ACSM1: variants seen among roughly 807,000 people sequenced by gnomAD.
ACSM1 encodes the protein acyl-coenzyme A synthetase ACSM1, mitochondrial.
In ACSM1, 79 loss-of-function variants were observed where a neutral mutation model predicts 75.8. That is an observed-to-expected ratio of 1.04 (90% CI 0.87 to 1.26). The LOEUF (loss-of-function observed/expected upper bound fraction) is 1.26. ACSM1 is among the 50% of genes most tolerant of loss of function. ACSM1 has a pLI of 0.00. For missense variants in ACSM1, 676 were observed against 720.1 expected (o/e 0.94, Z 0.70); for synonymous variants, 279 against 265.8 (o/e 1.05, Z -0.48).
At chr16:20,695,792 T>C (rs1429216343) in intron 1 of ACSM1, among the ~76,000 whole-genome samples, 1 of 152,202 alleles carries the variant, frequency 6.6e-6, no homozygotes, top group Non-Finnish European at 1.5e-5. Flanking sequence ...TATCTCTGTA[T>C]GTATGTTAAG....
intron 8 of ACSM1, among the ~76,000 whole-genome samples, chr16:20,638,669 A>G (rs1042491152): frequency 1.6e-4 from 24 of 152,198 alleles, no homozygotes; most frequent in African/African-American, 3.6e-4. Flanking sequence ...GAGGTGAGAA[A>G]GCATACATAA....
chr16:20,682,523 C>T, intron 3 of ACSM1, 60 bp from the exon 4 acceptor site: 1 of 1,398,512 alleles, frequency 7.2e-7, no homozygotes, highest in Non-Finnish European at 1.0e-6. Flanking sequence ...GGGCTTTAGA[C>T]TTGGCTTGTC....
intron 5 of ACSM1, 79 bp downstream of exon 5, chr16:20,671,451 AC>A: frequency 1.6e-6 from 2 of 1,261,998 alleles, no homozygotes; most frequent in Non-Finnish European, 2.1e-6. Context: ...ACACACACAC[AC>A]ACACACACAC....
intron 10 of ACSM1, among the ~76,000 whole-genome samples, chr16:20,633,725 C>T (rs1209533051): frequency 2.0e-5 from 3 of 152,072 alleles, no homozygotes; most frequent in African/African-American, 7.2e-5. Flanking sequence ...ACTGCCAAAA[C>T]AATCTTTAAA....
At chr16:20,684,849 GTGTT>G (rs1175004520) in intron 3 of ACSM1, among the ~76,000 whole-genome samples, 1 of 152,134 alleles carries the variant, frequency 6.6e-6, no homozygotes, top group African/African-American at 2.4e-5. Context: ...AAGTGTATGT[GTGTT>G]TGTGTGTGTG....
chr16:20,682,502 T>G, intron 3 of ACSM1, 39 bp from the exon 4 acceptor site: 1 of 1,549,572 alleles, frequency 6.5e-7, no homozygotes, highest in East Asian at 2.3e-5. Flanking sequence ...TGGTTTCTTT[T>G]TCACAACCAT....
chr16:20,672,441 T>A, intron 4 of ACSM1, among the ~76,000 whole-genome samples: 1 of 36,516 alleles, frequency 2.7e-5, no homozygotes, highest in Admixed American at 4.7e-4. Flanking sequence ...AGAGCAAAAC[T>A]CCATCTCAAA....
chr16:20,672,471 A>AAAAAAAAT (rs1555473775), intron 4 of ACSM1, among the ~76,000 whole-genome samples: 31 of 64,556 alleles, frequency 4.8e-4, no homozygotes, highest in African/African-American at 1.6e-3. Flanking sequence ...AAAAAAAAAA[A>AAAAAAAAT]ATATATATAT....
chr16:20,658,354 G>C (rs926588999), intron 7 of ACSM1, among the ~76,000 whole-genome samples: 16 of 152,132 alleles, frequency 1.1e-4, no homozygotes, highest in African/African-American at 3.6e-4. Flanking sequence ...TTCTCTGATG[G>C]CCAGTGATGA....
At chr16:20,661,475 T>A (rs1331740843) in intron 7 of ACSM1, among the ~76,000 whole-genome samples, 1 of 152,176 alleles carries the variant, frequency 6.6e-6, no homozygotes, top group Non-Finnish European at 1.5e-5. Flanking sequence ...TTTGACTTGG[T>A]GAGTGGGTTA....
rs554886029 is a variant in ACSM1 at position 20,674,212 on chromosome 16, T to C, written c.612-2541A>G. 12 of 333,504 alleles carry C rather than the reference T, an allele frequency of 3.6e-5. No homozygotes were observed. The East Asian group carries it at 1.1e-3, about 31-fold the overall frequency. 20.7% of individuals were successfully genotyped at this position (333,504 alleles called of 1,614,324 possible). Reference sequence around the variant, plus strand: ...AGAAAGAGGTGGAGTCCTTTAAAAATTAACTGCCTGTTTCTCTGTCTGTGG... The same window carrying C: ...AGAAAGAGGTGGAGTCCTTTAAAAACTAACTGCCTGTTTCTCTGTCTGTGG... On this transcript the variant is annotated intron_variant, in intron 4 of 13. Coordinates refer to ENST00000520010, the MANE Select transcript of ACSM1 (RefSeq NM_001318890.3).
At chr16:20,676,931 G>A (rs1567301978) in intron 4 of ACSM1, among the ~76,000 whole-genome samples, 1 of 152,108 alleles carries the variant, frequency 6.6e-6, no homozygotes, top group Non-Finnish European at 1.5e-5. Flanking sequence ...CCCTGCACCT[G>A]CTGTGAAAGG....
At chr16:20,661,390 A>G (rs1262364510) in intron 7 of ACSM1, among the ~76,000 whole-genome samples, 1 of 152,200 alleles carries the variant, frequency 6.6e-6, no homozygotes, top group Admixed American at 6.5e-5. Context: ...TAAGGAATTA[A>G]CAACATAAAG....
chr16:20,685,804 A>G (rs533791271), intron 2 of ACSM1, among the ~76,000 whole-genome samples: 21 of 139,378 alleles, frequency 1.5e-4, no homozygotes, highest in African/African-American at 4.5e-4. Context: ...TGGATGACAC[A>G]GTGAGACTCC....
Position 20,623,485 on chromosome 16 carries a change from A to G in ACSM1, c.*1T>C. 6.2e-7 allele frequency: 1 copy of G among 1,613,996 alleles called. No homozygotes were observed. The highest frequency in any genetic ancestry group is 8.5e-7 in the Non-Finnish European group (1 of 1,179,914). ...GCAGTGCGTTCTGAGTTCACTGCCG[A>G]TTACATCTGACCAGTCTCCTTTTTC... On this transcript the variant is annotated 3_prime_UTR_variant, in exon 14 of 14. Coordinates refer to ENST00000520010, the MANE Select transcript of ACSM1 (RefSeq NM_001318890.3).
rs575685655 is a variant in ACSM1, at chr16:20,634,527, A to T, written c.1299+2212T>A. 2.7e-4 allele frequency among the ~76,000 whole-genome samples: 41 copies of T among 152,350 alleles called. 1 individual carries two copies. The South Asian group carries it at 6.4e-3, about 24-fold the overall frequency. On this transcript the variant is annotated intron_variant, in intron 10 of 13. Coordinates refer to ENST00000520010, the MANE Select transcript of ACSM1 (RefSeq NM_001318890.3). ...TTATTCAGACTTACAGAGGAATGAC[A>T]TTTTGTTACATGCTAAGACATAGAT... is the stretch of plus-strand genomic sequence containing the variant.
At chr16:20,677,845 A>G (rs1267661873) in intron 4 of ACSM1, among the ~76,000 whole-genome samples, 1 of 152,028 alleles carries the variant, frequency 6.6e-6, no homozygotes, top group East Asian at 1.9e-4. Flanking sequence ...GACACTTTCC[A>G]TGTTCATGAG....
intron 6 of ACSM1, among the ~76,000 whole-genome samples, chr16:20,667,080 C>T (rs2019609435): frequency 6.6e-6 from 1 of 152,050 alleles, no homozygotes; most frequent in Non-Finnish European, 1.5e-5. Context: ...TGCATCAAAA[C>T]CAAAAATTAA....
chr16:20,644,374 C>A (rs531102229), intron 7 of ACSM1, among the ~76,000 whole-genome samples: 24 of 152,348 alleles, frequency 1.6e-4, no homozygotes, highest in African/African-American at 5.5e-4. Flanking sequence ...TGGGGCCATT[C>A]TGTGAGGAAA....
Sources: allele counts gnomAD v4.1 joint callset (sites outside exome capture counted in the v4.1 genomes callset), GRCh38; gene constraint gnomAD v4.1.1; transcripts MANE v1.5; gene names NCBI Gene and HGNC (gene_info 2026-07-23, HGNC 2026-07-21).